PDE4D: variants seen among roughly 807,000 people sequenced by gnomAD.
The protein encoded by PDE4D is phosphodiesterase 4D.
In PDE4D, 24 loss-of-function variants were observed where a neutral mutation model predicts 87.4. The observed-to-expected ratio is 0.27, with a 90% CI of 0.20 to 0.39. The LOEUF (loss-of-function observed/expected upper bound fraction) is 0.39, where lower values mean the gene tolerates loss of function less well. Among genes scored for constraint, PDE4D ranks in the 10% least tolerant of loss-of-function variants. The probability of loss-of-function intolerance (pLI) is 1.00; values close to 1 mark genes in which losing one functional copy is unlikely to be tolerated. For missense variants in PDE4D, 714 were observed against 1,041.0 expected, an observed-to-expected ratio of 0.69 and a Z score of 4.32; for synonymous variants, 384 against 383.2, an observed-to-expected ratio of 1.00 and a Z score of -0.02.
Position 59,242,731 on chromosome 5 carries a change from T to C in PDE4D, c.456-26763A>G, listed in dbSNP as rs141567402. On this transcript the variant is annotated intron_variant, in intron 1 of 14. Coordinates refer to ENST00000340635, the MANE Select transcript of PDE4D (RefSeq NM_001104631.2). ...AAATCATTTGCATGGCTTATTTCATTTAATCTCACAAGAATCCCAGGTGGA... is the reference window on the plus strand; with the variant it reads ...AAATCATTTGCATGGCTTATTTCATCTAATCTCACAAGAATCCCAGGTGGA... 8.0e-3 allele frequency among the ~76,000 whole-genome samples: 1,224 copies of C among 152,296 alleles called. 14 individuals are homozygous for C. Among genetic ancestry groups the C allele is most frequent in the Non-Finnish European group, 9.2e-3 (623 of 68,026 alleles).
At chr5:60,066,469 A>G (rs1227020617) in intron 2 of PDE4D, among the ~76,000 whole-genome samples, 3 of 152,100 alleles carry the variant, frequency 2.0e-5, no homozygotes, top group Non-Finnish European at 4.4e-5. Context: ...AACAAGGTAC[A>G]CTATTGACCT....
At chr5:59,124,248 C>G (rs185490446) in intron 5 of PDE4D, among the ~76,000 whole-genome samples, 1 of 152,084 alleles carries the variant, frequency 6.6e-6, no homozygotes, top group Non-Finnish European at 1.5e-5. Flanking sequence ...TTATTTGACA[C>G]GTGAGGACCA....
At chr5:59,239,459 A>G (rs27773) in intron 1 of PDE4D, among the ~76,000 whole-genome samples, 33,000 of 152,088 alleles carry the variant, frequency 0.22, 3,811 homozygotes, top group Non-Finnish European at 0.26. Flanking sequence ...CCCAGCTGCC[A>G]CTATTCTACA....
intron 1 of PDE4D, among the ~76,000 whole-genome samples, chr5:59,688,924 A>G (rs568415455): frequency 2.2e-4 from 34 of 152,346 alleles, no homozygotes; most frequent in African/African-American, 7.7e-4. Flanking sequence ...AACTACTATC[A>G]GAGAATACTA....
chr5:59,638,270 G>A (rs1328837476), intron 1 of PDE4D, among the ~76,000 whole-genome samples: 1 of 152,092 alleles, frequency 6.6e-6, no homozygotes, highest in African/African-American at 2.4e-5. Flanking sequence ...CCATGAGATC[G>A]AATTTCATAA....
At chr5:59,178,152 C>G (rs948916799) in intron 5 of PDE4D, among the ~76,000 whole-genome samples, 1 of 152,036 alleles carries the variant, frequency 6.6e-6, no homozygotes, top group African/African-American at 2.4e-5. Flanking sequence ...TTTTAAGGGC[C>G]CACTTTTTCA....
intron 3 of PDE4D, among the ~76,000 whole-genome samples, chr5:59,976,929 T>A (rs1761396860): frequency 6.6e-6 from 1 of 152,198 alleles, no homozygotes; most frequent in African/African-American, 2.4e-5. Flanking sequence ...TGTAAGACAG[T>A]AAACTTAATG....
intron 1 of PDE4D, among the ~76,000 whole-genome samples, chr5:59,548,603 G>A (rs934823939): frequency 6.6e-6 from 1 of 152,110 alleles, no homozygotes; most frequent in Admixed American, 6.6e-5. Context: ...ATGTGCTACA[G>A]AGAAAAATAA....
intron 1 of PDE4D, among the ~76,000 whole-genome samples, chr5:59,705,569 C>T (rs1753266096): frequency 6.6e-6 from 1 of 152,144 alleles, no homozygotes; most frequent in Admixed American, 6.5e-5. Context: ...TTTTCTTGCA[C>T]ATTTAGTTTT....
intron 1 of PDE4D, among the ~76,000 whole-genome samples, chr5:60,470,337 G>A (rs1747720211): frequency 6.6e-6 from 1 of 152,178 alleles, no homozygotes; most frequent in Non-Finnish European, 1.5e-5. Flanking sequence ...TAACAGAAAA[G>A]TACAAGGTGA....
In PDE4D at chr5:59,899,758, T is replaced by C. The variant is rs568976821; in HGVS notation, c.272+88730A>G. On this transcript the variant is annotated intron_variant, in intron 3 of 16. Transcript: ENST00000502484. ...CACTCCAGGCTGTGGGAAAATCAAG[T>C]GCAAAGACATGGCAGCCAGCTTGTT... is the stretch of plus-strand genomic sequence containing the variant. Among the ~76,000 whole-genome samples, 5 of 152,134 alleles carry C rather than the reference T, an allele frequency of 3.3e-5. No individual in the cohort carries two copies. In the East Asian group the frequency reaches 9.7e-4, roughly 29 times the overall value.
chr5:60,418,206 A>G (rs1339882325), intron 1 of PDE4D, among the ~76,000 whole-genome samples: 1 of 152,182 alleles, frequency 6.6e-6, no homozygotes, highest in Non-Finnish European at 1.5e-5. Flanking sequence ...AAAAGCTAGA[A>G]AGCTCACAGG....
At chr5:59,056,416 T>G (rs182573351) in intron 5 of PDE4D, among the ~76,000 whole-genome samples, 9 of 151,548 alleles carry the variant, frequency 5.9e-5, no homozygotes, top group African/African-American at 1.9e-4. Context: ...TAAAAAGGAG[T>G]TTTTTTGTTT....
chr5:59,092,551 T>TG (rs1203629623), intron 5 of PDE4D, among the ~76,000 whole-genome samples: 3 of 130,328 alleles, frequency 2.3e-5, no homozygotes, highest in Non-Finnish European at 5.0e-5. Context: ...ACATGAAAAA[T>TG]GATTTTGTAA....
At chr5:59,468,585 T>A (rs1279537388) in intron 1 of PDE4D, among the ~76,000 whole-genome samples, 2 of 152,220 alleles carry the variant, frequency 1.3e-5, no homozygotes, top group African/African-American at 2.4e-5. Context: ...AAGGAATGAC[T>A]GTAGAAGTTG....
intron 1 of PDE4D, among the ~76,000 whole-genome samples, chr5:59,818,125 G>C (rs964875702): frequency 4.6e-5 from 7 of 152,178 alleles, no homozygotes; most frequent in African/African-American, 1.7e-4. Context: ...CAACACTCAG[G>C]CATGGCAGGG....
intron 1 of PDE4D, among the ~76,000 whole-genome samples, chr5:59,652,395 T>C (rs1047449670): frequency 6.6e-6 from 1 of 152,224 alleles, no homozygotes; most frequent in African/African-American, 2.4e-5. Context: ...ATCTATCTCC[T>C]TTGATAGAAT....
At chr5:60,416,084 G>A (rs1020685790) in intron 1 of PDE4D, among the ~76,000 whole-genome samples, 1 of 152,012 alleles carries the variant, frequency 6.6e-6, no homozygotes, top group African/African-American at 2.4e-5. Flanking sequence ...GTCTAGCTCA[G>A]GGTTTGTAAA....
intron 1 of PDE4D, among the ~76,000 whole-genome samples, chr5:60,282,823 G>A (rs1450325690): frequency 6.6e-6 from 1 of 152,134 alleles, no homozygotes; most frequent in Non-Finnish European, 1.5e-5. Context: ...CAGATATCTG[G>A]GGACTTCCCA....
Sources: allele counts gnomAD v4.1 joint callset (sites outside exome capture counted in the v4.1 genomes callset), GRCh38; gene constraint gnomAD v4.1.1; transcripts MANE v1.5; gene names NCBI Gene and HGNC (gene_info 2026-07-23, HGNC 2026-07-21).